MDGA1: variants seen among roughly 807,000 people sequenced by gnomAD.
The protein encoded by MDGA1 is MAM domain containing glycosylphosphatidylinositol anchor 1, also known as MAM domain-containing glycosylphosphatidylinositol anchor protein 1.
A neutral mutation model predicts 101.5 loss-of-function variants in MDGA1; 54 were observed. The observed-to-expected ratio is 0.53, with a 90% CI of 0.43 to 0.67. MDGA1 has a LOEUF of 0.67. MDGA1 is among the 30% of genes least tolerant of loss of function. The pLI is 0.00. For synonymous variants in MDGA1, 533 were observed against 558.3 expected, an observed-to-expected ratio of 0.95 and a Z score of 0.64; for missense variants, 1,083 against 1,323.8, an observed-to-expected ratio of 0.82 and a Z score of 2.82.
intron 1 of MDGA1, chr6:37,664,313 C>T: frequency 1.7e-6 from 1 of 586,628 alleles, no homozygotes; most frequent in South Asian, 2.2e-5. Flanking sequence ...AGGAAAGGGA[C>T]AGTTCCCCAA....
rs1232194413 is a variant in MDGA1 at position 37,639,741 on chromosome 6, T to C, written c.2537-1074A>G. 3.3e-5 allele frequency: 5 copies of C among 152,188 alleles called. No individual in the cohort carries two copies. In the East Asian group the frequency reaches 7.7e-4, roughly 23 times the overall value. 9.4% of individuals were successfully genotyped at this position (152,188 alleles called of 1,614,324 possible). ...TTTTCTTTATAAGGCTTGGCACCAG[T>C]AGACTGTAAGCTCTTCAAGGACAGG... On this transcript the variant is annotated intron_variant, in intron 14 of 16. Coordinates refer to ENST00000434837, the MANE Select transcript of MDGA1 (RefSeq NM_153487.4).
At chr6:37,676,500 C>A (rs1448800955) in intron 1 of MDGA1, among the ~76,000 whole-genome samples, 1 of 152,210 alleles carries the variant, frequency 6.6e-6, no homozygotes, top group African/African-American at 2.4e-5. Flanking sequence ...GAGGCTAAGG[C>A]ACTGGATTTG....
chr6:37,672,857 G>A (rs144296784), intron 1 of MDGA1, among the ~76,000 whole-genome samples: 34 of 152,196 alleles, frequency 2.2e-4, no homozygotes, highest in Non-Finnish European at 4.7e-4. Flanking sequence ...GAATAAGAAC[G>A]ATGCTTATAA....
At position 37,680,788 on chromosome 6, in the gene MDGA1, C is replaced by T. The variant is rs553288875; in HGVS notation, c.67+15957G>A. 5.2e-5 allele frequency among the ~76,000 whole-genome samples: 8 copies of T among 152,386 alleles called. No individual in the cohort carries two copies. In the East Asian group the frequency reaches 1.5e-3, roughly 29 times the overall value. On this transcript the variant is annotated intron_variant, in intron 1 of 16. Transcript: ENST00000434837. ...CAGCTGGGGCCACTGTCTCCATGCA[C>T]CCAGCCCAGCCCAGATCTGGCACGG...
chr6:37,668,669 T>C (rs779193193), intron 1 of MDGA1, among the ~76,000 whole-genome samples: 30 of 152,188 alleles, frequency 2.0e-4, no homozygotes, highest in Non-Finnish European at 4.0e-4. Flanking sequence ...TACAGTGAAC[T>C]GTAATGCTAA....
chr6:37,693,094 C>A (rs916801294), intron 1 of MDGA1, among the ~76,000 whole-genome samples: 20 of 152,224 alleles, frequency 1.3e-4, no homozygotes, highest in Non-Finnish European at 5.9e-5. Flanking sequence ...AGTGCTCCCC[C>A]TCGCTTGTGC....
intron 1 of MDGA1, among the ~76,000 whole-genome samples, chr6:37,687,562 G>C (rs1762222742): frequency 6.6e-6 from 1 of 152,104 alleles, no homozygotes; most frequent in South Asian, 2.1e-4. Flanking sequence ...GTGAGACCCT[G>C]TCTCAAATGA....
chr6:37,644,088 AC>A (rs1322189559), intron 13 of MDGA1, 145 bp from the exon 14 acceptor site: 2 of 567,696 alleles, frequency 3.5e-6, no homozygotes, highest in East Asian at 9.4e-5. Context: ...ATCCTGCCTC[AC>A]CCCACACATC....
At chr6:37,687,809 A>G (rs1009055244) in intron 1 of MDGA1, among the ~76,000 whole-genome samples, 1 of 152,110 alleles carries the variant, frequency 6.6e-6, no homozygotes, top group African/African-American at 2.4e-5. Flanking sequence ...GAGAATAAAC[A>G]AAAGGGCCAC....
chr6:37,696,517 G>A lies in MDGA1; in HGVS notation c.67+228C>T, dbSNP rs547616723. On this transcript the variant is annotated intron_variant, in intron 1 of 16. Transcript: ENST00000434837. The surrounding 1 kb of genome is among the most constrained non-coding windows in gnomAD (Gnocchi z 5.6). Reference sequence around the variant, plus strand: ...CACCTCTAGCAGGGTGTGGGAAAGTGGGTGCCTCCTCCTGACATCCCGGCT... The same window carrying A: ...CACCTCTAGCAGGGTGTGGGAAAGTAGGTGCCTCCTCCTGACATCCCGGCT... 1.3e-5 allele frequency among the ~76,000 whole-genome samples: 2 copies of A among 152,296 alleles called. No individual in the cohort carries two copies. Among genetic ancestry groups the A allele is most frequent in the African/African-American group, 4.8e-5 (2 of 41,562 alleles).
At chr6:37,644,387 C>T (rs1764174240) in intron 13 of MDGA1, 110 bp downstream of exon 13, 11 of 1,175,446 alleles carry the variant, frequency 9.4e-6, no homozygotes, top group East Asian at 8.6e-5. Context: ...AACAGGGCTG[C>T]GTCTCCCTCA....
chr6:37,641,117 G>C (rs542123852), intron 14 of MDGA1, among the ~76,000 whole-genome samples: 84 of 152,222 alleles, frequency 5.5e-4, no homozygotes, highest in Non-Finnish European at 6.9e-4. Flanking sequence ...GGCAGCTCTG[G>C]GCACCAGCTG....
chr6:37,690,670 G>A (rs761861406), intron 1 of MDGA1, among the ~76,000 whole-genome samples: 12 of 151,718 alleles, frequency 7.9e-5, no homozygotes, highest in African/African-American at 1.7e-4. Flanking sequence ...CTAGTTACTC[G>A]GGAGGCTGAG....
intron 3 of MDGA1, among the ~76,000 whole-genome samples, chr6:37,657,192 G>A (rs1316766663): frequency 2.0e-5 from 3 of 152,062 alleles, no homozygotes; most frequent in East Asian, 1.9e-4. Flanking sequence ...AGAAAGAATC[G>A]ATATTTGGCC....
chr6:37,677,916 G>T (rs1452133175), intron 1 of MDGA1, among the ~76,000 whole-genome samples: 1 of 152,200 alleles, frequency 6.6e-6, no homozygotes, highest in Non-Finnish European at 1.5e-5. Flanking sequence ...CCACCCAGCT[G>T]CAGGGGGAGA....
At position 37,635,406 on chromosome 6, in the gene MDGA1, A is replaced by G. The variant is rs1232878272; in HGVS notation, c.*1962T>C. On this transcript the variant is annotated 3_prime_UTR_variant, in exon 17 of 17. Transcript: ENST00000434837. Reference sequence around the variant, plus strand: ...GGACTCTGCACAGATGGGACAGTTAAGGAACAATACCCGACAGACGCGATG... The same window carrying G: ...GGACTCTGCACAGATGGGACAGTTAGGGAACAATACCCGACAGACGCGATG... 2.5e-6 allele frequency: 1 copy of G among 398,308 alleles called. No homozygotes were observed. The highest frequency in any genetic ancestry group is 4.4e-6 in the Non-Finnish European group (1 of 226,108). The allele number at this position is 398,308 out of a possible 1,614,324, so 24.7% of individuals were successfully genotyped here.
At chr6:37,662,162 GAAAA>G (rs10717477) in intron 2 of MDGA1, among the ~76,000 whole-genome samples, 1 of 131,416 alleles carries the variant, frequency 7.6e-6, no homozygotes, top group Non-Finnish European at 1.6e-5. Context: ...ACCCTGTCTC[GAAAA>G]AAAAAAAAAA....
At position 37,631,545 on chromosome 6, in the gene MDGA1, C is replaced by T. The variant is rs1402438530; in HGVS notation, c.*5823G>A. The T allele has an allele frequency of 3.9e-5, 6 of 152,162 alleles. No individual in the cohort carries two copies. Among genetic ancestry groups the T allele is most frequent in the Non-Finnish European group, 8.8e-5 (6 of 68,024 alleles). 9.4% of individuals were successfully genotyped at this position (152,162 alleles called of 1,614,324 possible). ...AATCGACCTACCTGAATCATTGTAA[C>T]CAAGTAACCTGAAAGACACTTCCTG... On this transcript the variant is annotated 3_prime_UTR_variant, in exon 17 of 17. Coordinates refer to ENST00000434837, the MANE Select transcript of MDGA1 (RefSeq NM_153487.4).
chr6:37,652,350 G>T lies in MDGA1; in HGVS notation c.983-10C>A, dbSNP rs1490256236. 4 of 1,588,914 alleles carry T rather than the reference G, an allele frequency of 2.5e-6. No individual in the cohort carries two copies. The highest frequency in any genetic ancestry group is 3.4e-6 in the Non-Finnish European group (4 of 1,164,430). On this transcript the variant is annotated splice_polypyrimidine_tract_variant and intron_variant, in intron 6 of 16. Coordinates refer to ENST00000434837, the MANE Select transcript of MDGA1 (RefSeq NM_153487.4). This position sits in a 1 kb window ranked among gnomAD's most constrained non-coding sequence, Gnocchi z 4.3. ...GTAGCGTTCTTCATGGCTGTGAGTG[G>T]ATGGGGAGGGAAGGGTAGTTGGGGT...
Sources: gnomAD v4.1 joint callset for allele counts (sites outside exome capture counted in the v4.1 genomes callset) on GRCh38, gnomAD v4.1.1 for gene constraint, Gnocchi (gnomAD v3.1) non-coding constraint, MANE v1.5 for transcripts, NCBI Gene and HGNC (gene_info 2026-07-23, HGNC 2026-07-21) for gene names.